CA10: variants seen among roughly 807,000 people sequenced by gnomAD.
CA10 encodes carbonic anhydrase-related protein 10.
A neutral mutation model predicts 44.2 loss-of-function variants in CA10; 14 were observed. The observed-to-expected ratio is 0.32, with a 90% CI of 0.21 to 0.50. CA10 has a LOEUF of 0.50. Ranked by LOEUF, CA10 falls within the 20% of genes least tolerant of loss-of-function variation. CA10 has a pLI of 0.99. For missense variants in CA10, 350 were observed against 409.7 expected (o/e 0.85, Z 1.26); for synonymous variants, 159 against 141.6 (o/e 1.12, Z -0.87).
chr17:51,976,049 AT>A (rs1283181645), intron 2 of CA10, among the ~76,000 whole-genome samples: 2 of 152,190 alleles, frequency 1.3e-5, no homozygotes, highest in African/African-American at 2.4e-5. Flanking sequence ...TCACCAAGTA[AT>A]GCATTATCAT....
At chr17:52,029,735 G>A (rs897046544) in intron 2 of CA10, among the ~76,000 whole-genome samples, 1 of 152,044 alleles carries the variant, frequency 6.6e-6, no homozygotes, top group Admixed American at 6.6e-5. Context: ...ACTCTCTCAA[G>A]AAAAGAAAAG....
intron 2 of CA10, among the ~76,000 whole-genome samples, chr17:51,959,299 T>C (rs1233621344): frequency 3.4e-5 from 5 of 146,334 alleles, no homozygotes; most frequent in Admixed American, 3.4e-4. Context: ...TGTGTGTGTG[T>C]GTGTGTGTGT....
chr17:52,057,381 C>T (rs1598191323), intron 2 of CA10, among the ~76,000 whole-genome samples: 1 of 152,094 alleles, frequency 6.6e-6, no homozygotes, highest in Non-Finnish European at 1.5e-5. Context: ...TTATGATCCA[C>T]TTCCACATAA....
chr17:51,866,127 C>A (rs1979535950), intron 3 of CA10, among the ~76,000 whole-genome samples: 1 of 152,180 alleles, frequency 6.6e-6, no homozygotes, highest in African/African-American at 2.4e-5. Context: ...CCTGATAGTT[C>A]CTGACGATGC....
Position 52,033,514 on chromosome 17 carries a change from T to G in CA10, c.136+38805A>C, listed in dbSNP as rs767507623. Among the ~76,000 whole-genome samples, 440 of 152,284 alleles carry G rather than the reference T, an allele frequency of 2.9e-3. 1 individual carries two copies. Among genetic ancestry groups the G allele is most frequent in the Non-Finnish European group, 5.2e-3 (354 of 68,014 alleles). Reference sequence around the variant, plus strand: ...GCGAAAAATTAGAAATAAGTTTTCATGAAGTGCAGAATGGAAAAATAAATT... The same window carrying G: ...GCGAAAAATTAGAAATAAGTTTTCAGGAAGTGCAGAATGGAAAAATAAATT... On this transcript the variant is annotated intron_variant, in intron 2 of 8. Transcript: ENST00000451037.
chr17:51,655,287 C>G (rs1913748516), intron 4 of CA10, among the ~76,000 whole-genome samples: 1 of 152,160 alleles, frequency 6.6e-6, no homozygotes, highest in Non-Finnish European at 1.5e-5. Flanking sequence ...AACAATGTCA[C>G]AGCAAGCACA....
chr17:51,816,273 C>T (rs535383897), intron 3 of CA10, among the ~76,000 whole-genome samples: 38 of 152,318 alleles, frequency 2.5e-4, no homozygotes, highest in African/African-American at 9.1e-4. Context: ...CTGAATAGTA[C>T]TACACTATGT....
intron 2 of CA10, among the ~76,000 whole-genome samples, chr17:52,024,968 C>G (rs1986254391): frequency 6.6e-6 from 1 of 151,748 alleles, no homozygotes; most frequent in African/African-American, 2.4e-5. Context: ...TATATATACA[C>G]TCCCCCAAAA....
chr17:52,121,679 TACACAC>T lies in CA10; in HGVS notation c.61+36041_61+36046del, dbSNP rs10567649. Among the ~76,000 whole-genome samples the T allele has an allele frequency of 2.6e-3, 385 of 149,924 alleles. 2 individuals carry two copies. The Middle Eastern group carries it at 0.056, about 22-fold the overall frequency. ...ATCTCTAAACACACACACACACAGATACACACACACACACACACACACACCAGGGCA... is the reference window on the plus strand; with the variant it reads ...ATCTCTAAACACACACACACACAGATACACACACACACACACACCAGGGCA... On this transcript the variant is annotated intron_variant, in intron 1 of 8. Coordinates refer to ENST00000451037, the MANE Select transcript of CA10 (RefSeq NM_020178.5).
At chr17:52,115,217 G>T (rs1988867206) in intron 1 of CA10, among the ~76,000 whole-genome samples, 1 of 152,120 alleles carries the variant, frequency 6.6e-6, no homozygotes, top group South Asian at 2.1e-4. Flanking sequence ...TTCTTTCTTT[G>T]CTGAGAGATT....
chr17:51,641,148 TCAG>T (rs372683283), intron 6 of CA10, among the ~76,000 whole-genome samples: 98,577 of 148,386 alleles, frequency 0.66, 33,305 homozygotes, highest in South Asian at 0.76. Flanking sequence ...TCTCTCTCTC[TCAG>T]CTCTCTCTCT....
intron 3 of CA10, among the ~76,000 whole-genome samples, chr17:51,774,015 CCTT>C (rs1440343866): frequency 6.6e-6 from 1 of 152,182 alleles, no homozygotes; most frequent in Non-Finnish European, 1.5e-5. Flanking sequence ...ACTCTTCTCT[CCTT>C]CTAAGGAGAA....
intron 3 of CA10, among the ~76,000 whole-genome samples, chr17:51,872,614 A>G (rs2143864451): frequency 6.6e-6 from 1 of 152,320 alleles, no homozygotes; most frequent in South Asian, 2.1e-4. Flanking sequence ...TTGTAAGGGT[A>G]TACTAGGTCC....
chr17:51,684,794 T>C (rs1382660429), intron 4 of CA10, among the ~76,000 whole-genome samples: 1 of 152,194 alleles, frequency 6.6e-6, no homozygotes, highest in Admixed American at 6.5e-5. Flanking sequence ...ATGGATTCTT[T>C]GATTATATCT....
chr17:52,028,150 G>A (rs1430723770), intron 2 of CA10, among the ~76,000 whole-genome samples: 1 of 152,136 alleles, frequency 6.6e-6, no homozygotes, highest in Non-Finnish European at 1.5e-5. Context: ...TAATGATGGT[G>A]TTAAAAACCC....
chr17:52,079,894 T>A (rs190167157), intron 1 of CA10, among the ~76,000 whole-genome samples: 13 of 152,344 alleles, frequency 8.5e-5, no homozygotes, highest in African/African-American at 3.1e-4. Context: ...GAAACTCATT[T>A]CTATCTCTCC....
At chr17:51,733,936 C>A (rs928162063) in intron 4 of CA10, among the ~76,000 whole-genome samples, 1 of 152,014 alleles carries the variant, frequency 6.6e-6, no homozygotes, top group Non-Finnish European at 1.5e-5. Context: ...CCTTATTAAT[C>A]ACAGGGGCGT....
At chr17:51,868,812 T>A (rs1168004572) in intron 3 of CA10, among the ~76,000 whole-genome samples, 2 of 152,086 alleles carry the variant, frequency 1.3e-5, no homozygotes, top group Non-Finnish European at 2.9e-5. Context: ...CCCAAGAGTG[T>A]TGATATAGAA....
intron 1 of CA10, among the ~76,000 whole-genome samples, chr17:52,133,172 G>A (rs1213617897): frequency 6.6e-6 from 1 of 152,170 alleles, no homozygotes; most frequent in Non-Finnish European, 1.5e-5. Flanking sequence ...GCATGGAACA[G>A]GTGACTGACC....
Sources: gnomAD v4.1 joint callset for allele counts (sites outside exome capture counted in the v4.1 genomes callset) on GRCh38, gnomAD v4.1.1 for gene constraint, MANE v1.5 for transcripts, NCBI Gene and HGNC (gene_info 2026-07-23, HGNC 2026-07-21) for gene names.